The following WIPF1 variants were observed in gnomAD, a reference collection of about 807,000 sequenced individuals.
The protein encoded by WIPF1 is WAS/WASL interacting protein family member 1.
A neutral mutation model predicts 35.4 loss-of-function variants in WIPF1; 13 were observed. The observed-to-expected ratio is 0.37, with a 90% CI of 0.24 to 0.58. WIPF1 has a LOEUF of 0.58. Ranked by LOEUF, WIPF1 falls within the 20% of genes least tolerant of loss-of-function variation. WIPF1 has a pLI of 0.74. For missense variants in WIPF1, 591 were observed against 667.0 expected, an observed-to-expected ratio of 0.89 and a Z score of 1.25; for synonymous variants, 267 against 266.3, an observed-to-expected ratio of 1.00 and a Z score of -0.02.
chr2:174,642,784 G>A (rs1687326811), intron 1 of WIPF1, among the ~76,000 whole-genome samples: 1 of 148,968 alleles, frequency 6.7e-6, no homozygotes. Flanking sequence ...CAAAGCAGTG[G>A]GATTATAGGT....
chr2:174,666,469 T>G (rs1216448492), intron 1 of WIPF1, among the ~76,000 whole-genome samples: 4 of 152,232 alleles, frequency 2.6e-5, no homozygotes, highest in Admixed American at 2.0e-4. Context: ...CTGGACTGTC[T>G]TATGCAACCA....
intron 1 of WIPF1, among the ~76,000 whole-genome samples, chr2:174,638,050 T>C (rs923532385): frequency 6.6e-6 from 1 of 152,244 alleles, no homozygotes; most frequent in Non-Finnish European, 1.5e-5. Context: ...GACTAAGAGA[T>C]GTAATTTATT....
chr2:174,563,143 A>G, intron 7 of WIPF1, among the ~76,000 whole-genome samples: 1 of 152,356 alleles, frequency 6.6e-6, no homozygotes, highest in Non-Finnish European at 1.5e-5. Flanking sequence ...TTCTAATTAA[A>G]AATTAGAAAG....
At chr2:174,658,904 T>C (rs1168918896) in intron 1 of WIPF1, among the ~76,000 whole-genome samples, 1 of 151,912 alleles carries the variant, frequency 6.6e-6, no homozygotes, top group Non-Finnish European at 1.5e-5. Flanking sequence ...CAGACATGAA[T>C]GTGAATTGCA....
intron 1 of WIPF1, among the ~76,000 whole-genome samples, chr2:174,674,496 A>G (rs1293645865): frequency 6.6e-6 from 1 of 152,224 alleles, no homozygotes; most frequent in Admixed American, 6.5e-5. Context: ...ACTTTACTAT[A>G]AACAGAAATC....
chr2:174,638,971 G>GT (rs1366603899), intron 1 of WIPF1, among the ~76,000 whole-genome samples: 1 of 152,034 alleles, frequency 6.6e-6, no homozygotes, highest in Non-Finnish European at 1.5e-5. Context: ...ATACTCCTTT[G>GT]TTTTTTGTTC....
At chr2:174,598,231 T>C (rs1166075651), upstream of WIPF1, 1 of 152,184 alleles carries the variant, frequency 6.6e-6, no homozygotes, top group African/African-American at 2.4e-5. Context: ...TTCAAGTGTG[T>C]GGGGAGAAAG....
chr2:174,652,880 G>A lies in WIPF1; in HGVS notation c.-39+29894C>T, dbSNP rs72914571. Among the ~76,000 whole-genome samples the A allele has an allele frequency of 8.4e-3, 1,283 of 151,928 alleles. 12 individuals carry two copies. The highest frequency in any genetic ancestry group is 0.013 in the Non-Finnish European group (859 of 67,968). On this transcript the variant is annotated intron_variant, in intron 1 of 8. Coordinates refer to the WIPF1 transcript ENST00000272746. ...TAATCCTTAATTTAGATTAGGTGGC[G>A]GGTATTTCCTAGATTTATGGTTTTT...
In WIPF1 at chr2:174,618,099, T is replaced by C. The variant is rs543604196; in HGVS notation, c.-38-32488A>G. 2.6e-5 allele frequency among the ~76,000 whole-genome samples: 4 copies of C among 152,382 alleles called. No homozygotes were observed. The South Asian group carries it at 8.3e-4, about 32-fold the overall frequency. ...TTATTTTAACCTTTCTTTTATACTCTTCAAGTCCTCTTTCCAGAATAATTG... is the reference window on the plus strand; with the variant it reads ...TTATTTTAACCTTTCTTTTATACTCCTCAAGTCCTCTTTCCAGAATAATTG... On this transcript the variant is annotated intron_variant, in intron 1 of 8. Transcript: ENST00000272746.
At chr2:174,575,576 G>A (rs1001980834) in intron 3 of WIPF1, 196 bp from the exon 4 acceptor site, 1 of 955,706 alleles carries the variant, frequency 1.0e-6, no homozygotes, top group Non-Finnish European at 1.5e-6. Flanking sequence ...CAAGCCCAGT[G>A]GTGGAAGAAA....
chr2:174,650,185 C>G (rs952796418), intron 1 of WIPF1, among the ~76,000 whole-genome samples: 3 of 152,170 alleles, frequency 2.0e-5, no homozygotes, highest in African/African-American at 7.2e-5. Flanking sequence ...CCCCCTTACT[C>G]TACCACTGCA....
chr2:174,636,704 G>A (rs1291241069), intron 1 of WIPF1, among the ~76,000 whole-genome samples: 1 of 152,284 alleles, frequency 6.6e-6, no homozygotes, highest in Non-Finnish European at 1.5e-5. Context: ...AACCATAACA[G>A]TTTTGAGAAA....
chr2:174,565,339 T>C (rs1243254228), intron 7 of WIPF1, among the ~76,000 whole-genome samples: 1 of 152,254 alleles, frequency 6.6e-6, no homozygotes, highest in Admixed American at 6.5e-5. Context: ...AGTAGTATTC[T>C]GTTTTCTTCT....
In WIPF1 at chr2:174,562,713, G is replaced by T. The variant is rs183137314; in HGVS notation, c.1457-111C>A. On this transcript the variant is annotated intron_variant, in intron 7 of 7. Coordinates refer to ENST00000679041, the MANE Select transcript of WIPF1 (RefSeq NM_001375834.1). ...CCACTACCTCATCCCTATGACCAGGGCTGTCAGCTAACTGGCGTATGTTGT... is the reference window on the plus strand; with the variant it reads ...CCACTACCTCATCCCTATGACCAGGTCTGTCAGCTAACTGGCGTATGTTGT... The T allele has an allele frequency of 2.3e-5, 32 of 1,398,298 alleles. No individual in the cohort carries two copies. In the East Asian group the frequency reaches 6.6e-4, roughly 29 times the overall value. 86.6% of individuals were successfully genotyped at this position (1,398,298 alleles called of 1,614,324 possible).
Position 174,660,433 on chromosome 2 carries a change from TACTG to T in WIPF1, c.-39+22337_-39+22340del, listed in dbSNP as rs1687733825. Among the ~76,000 whole-genome samples, 5 of 152,330 alleles carry T rather than the reference TACTG, an allele frequency of 3.3e-5. No individual in the cohort carries two copies. The South Asian group carries it at 1.0e-3, about 32-fold the overall frequency. ...TATAAACATTTGCTGCTACTATTAC[TACTG>T]ACTGTTACTTGGCAGGTAGTCAACA... On this transcript the variant is annotated intron_variant, in intron 1 of 8. Coordinates refer to the WIPF1 transcript ENST00000272746.
intron 1 of WIPF1, among the ~76,000 whole-genome samples, chr2:174,653,741 C>CA (rs1175251483): frequency 0.04 from 2,315 of 57,366 alleles, 71 homozygotes; most frequent in African/African-American, 0.084. Context: ...GCCTCTGTCT[C>CA]AAAAAAAAAA....
intron 1 of WIPF1, among the ~76,000 whole-genome samples, chr2:174,661,030 C>T (rs1398365511): frequency 6.6e-6 from 1 of 152,248 alleles, no homozygotes; most frequent in African/African-American, 2.4e-5. Flanking sequence ...ATCTCAATAT[C>T]TTCCCTGCAT....
At chr2:174,609,372 T>C (rs1686274420) in intron 1 of WIPF1, among the ~76,000 whole-genome samples, 1 of 152,172 alleles carries the variant, frequency 6.6e-6, no homozygotes, top group Non-Finnish European at 1.5e-5. Context: ...AAATACTTTG[T>C]TTTGTTCAGA....
chr2:174,672,968 T>C (rs1688052148), intron 1 of WIPF1, among the ~76,000 whole-genome samples: 1 of 152,220 alleles, frequency 6.6e-6, no homozygotes, highest in African/African-American at 2.4e-5. Flanking sequence ...TTAAGATGGT[T>C]TCACTATCTG....
Sources: gnomAD v4.1 joint callset for allele counts (sites outside exome capture counted in the v4.1 genomes callset) on GRCh38, gnomAD v4.1.1 for gene constraint, MANE v1.5 for transcripts, NCBI Gene and HGNC (gene_info 2026-07-23, HGNC 2026-07-21) for gene names.